Variants in ANK2 observed in about 807,000 individuals in gnomAD.
ANK2 encodes the protein ankyrin 2.
A neutral mutation model predicts 360.5 loss-of-function variants in ANK2; 83 were observed. The ratio of observed to expected loss-of-function variants is 0.23; its 90% CI spans 0.19 to 0.28. The LOEUF (loss-of-function observed/expected upper bound fraction) is 0.28. Ranked by LOEUF, ANK2 falls within the 10% of genes least tolerant of loss-of-function variation. ANK2 has a pLI of 1.00. For synonymous variants in ANK2, 1,740 were observed against 1,759.5 expected, an observed-to-expected ratio of 0.99 and a Z score of 0.28; for missense variants, 4,201 against 4,795.7, an observed-to-expected ratio of 0.88 and a Z score of 3.66.
At chr4:113,376,999 G>A (rs1031465589) in intron 45 of ANK2, among the ~76,000 whole-genome samples, 6 of 151,690 alleles carry the variant, frequency 4.0e-5, no homozygotes, top group Non-Finnish European at 5.9e-5. Flanking sequence ...ACCTCCTGAA[G>A]GACCTGCCTG....
intron 1 of ANK2, among the ~76,000 whole-genome samples, chr4:113,122,613 G>C (rs998133014): frequency 1.3e-5 from 2 of 152,118 alleles, no homozygotes; most frequent in Non-Finnish European, 2.9e-5. Context: ...TATCTGGACA[G>C]ATGCTCTTCT....
At chr4:113,149,492 G>A (rs1457191947) in intron 1 of ANK2, among the ~76,000 whole-genome samples, 2 of 152,034 alleles carry the variant, frequency 1.3e-5, no homozygotes, top group Non-Finnish European at 2.9e-5. Flanking sequence ...CCTAACAAGA[G>A]CCAAAAGTGT....
intron 2 of ANK2, among the ~76,000 whole-genome samples, chr4:112,915,790 C>A (rs1368855231): frequency 6.6e-6 from 1 of 151,064 alleles, no homozygotes; most frequent in African/African-American, 2.4e-5. Flanking sequence ...ATAATAAATA[C>A]ATTTTTTTCA....
At chr4:113,375,807 G>A (rs2096910406) in intron 45 of ANK2, among the ~76,000 whole-genome samples, 1 of 152,012 alleles carries the variant, frequency 6.6e-6, no homozygotes, top group African/African-American at 2.4e-5. Flanking sequence ...CCCAAATGCT[G>A]AAAACCAAAA....
intron 1 of ANK2, among the ~76,000 whole-genome samples, chr4:113,125,765 A>G (rs1018694049): frequency 1.3e-5 from 2 of 152,142 alleles, no homozygotes; most frequent in Non-Finnish European, 2.9e-5. Context: ...AGCTGACACT[A>G]TGTCGTAGAC....
At chr4:113,157,060 G>C (rs2154400198) in intron 1 of ANK2, among the ~76,000 whole-genome samples, 1 of 151,916 alleles carries the variant, frequency 6.6e-6, no homozygotes, top group African/African-American at 2.4e-5. Flanking sequence ...GTTTCTTAAG[G>C]TTTTATAACC....
At chr4:113,296,228 TA>T in intron 22 of ANK2, among the ~76,000 whole-genome samples, 1 of 152,264 alleles carries the variant, frequency 6.6e-6, no homozygotes, top group South Asian at 2.1e-4. Context: ...AAAAACCACT[TA>T]AATAGTGCTC....
rs138222856 is a variant in ANK2, at chr4:112,876,465, C to T, written c.-39-27990C>T. Among the ~76,000 whole-genome samples the T allele has an allele frequency of 5.1e-4, 77 of 151,512 alleles. No individual in the cohort carries two copies. In the South Asian group the frequency reaches 8.6e-3, roughly 17 times the overall value. ...GGTAAATAAAGAGGGTAGGAAACTG[C>T]GGGGATGGAAAAAGCAAAAAAAAAG... is the stretch of plus-strand genomic sequence containing the variant. On this transcript the variant is annotated intron_variant, in intron 1 of 30. Coordinates refer to the ANK2 transcript ENST00000503271.
In ANK2 at chr4:113,357,781, T is replaced by G. The variant is rs1158664416; in HGVS notation, c.9163T>G (p.Phe3055Val). 6.2e-7 allele frequency: 1 copy of G among 1,613,924 alleles called. No homozygotes were observed. The highest frequency in any genetic ancestry group is 1.3e-5 in the African/African-American group (1 of 74,918). ...WSEIREDDEA[F>V]EARVKEEEQK... ...TGAAATTCGGGAAGACGATGAAGCC[T>G]TTGAGGCTCGTGTGAAAGAGGAAGA... Residue 3055 changes from phenylalanine (F) to valine (V), a missense_variant, in exon 38 of 46, where the codon TTT (phenylalanine) becomes GTT (valine). Coordinates refer to ENST00000357077, the MANE Select transcript of ANK2 (RefSeq NM_001148.6).
intron 2 of ANK2, among the ~76,000 whole-genome samples, chr4:113,025,175 T>G (rs951352456): frequency 1.3e-5 from 2 of 152,154 alleles, no homozygotes; most frequent in Non-Finnish European, 2.9e-5. Flanking sequence ...CAATTTTCCT[T>G]AAACATAACA....
the ANK2 span, among the ~76,000 whole-genome samples, chr4:112,758,669 C>T: frequency 2.0e-5 from 3 of 152,202 alleles, no homozygotes; most frequent in East Asian, 5.8e-4. Context: ...CCCACCTCAG[C>T]CTCCCAAGCT....
chr4:112,766,722 C>G, the ANK2 span, among the ~76,000 whole-genome samples: 28 of 152,180 alleles, frequency 1.8e-4, no homozygotes, highest in Non-Finnish European at 7.3e-5. Flanking sequence ...TTTAATCTTA[C>G]CGGAGTTATT....
chr4:113,342,934 C>A, intron 33 of ANK2, 83 bp from the exon 34 acceptor site: 1 of 1,551,140 alleles, frequency 6.4e-7, no homozygotes, highest in South Asian at 1.1e-5. Flanking sequence ...ATTTGAAGTT[C>A]CAAGTAGTAC....
At chr4:113,111,417 A>G (rs537633332) in intron 1 of ANK2, among the ~76,000 whole-genome samples, 2 of 152,338 alleles carry the variant, frequency 1.3e-5, no homozygotes, top group Admixed American at 1.3e-4. Context: ...GGATAAAGGC[A>G]CGACATAAAT....
At chr4:113,142,392 T>G (rs1049266023) in intron 1 of ANK2, among the ~76,000 whole-genome samples, 2 of 152,206 alleles carry the variant, frequency 1.3e-5, no homozygotes, top group Non-Finnish European at 2.9e-5. Flanking sequence ...TTAGAAAGTA[T>G]CTGATCGTCG....
chr4:113,115,757 T>C (rs897487392), intron 1 of ANK2, among the ~76,000 whole-genome samples: 3 of 152,184 alleles, frequency 2.0e-5, no homozygotes, highest in Non-Finnish European at 4.4e-5. Context: ...GAAGCAGATA[T>C]GTCATAAGGG....
chr4:113,146,693 G>A (rs2096849505), intron 1 of ANK2, among the ~76,000 whole-genome samples: 1 of 149,906 alleles, frequency 6.7e-6, no homozygotes, highest in Non-Finnish European at 1.5e-5. Context: ...TTTTTGGCCA[G>A]GAATCTCTGA....
chr4:112,768,531 G>A, the ANK2 span, among the ~76,000 whole-genome samples: 6 of 151,268 alleles, frequency 4.0e-5, no homozygotes, highest in African/African-American at 1.5e-4. Context: ...TAGGACTACA[G>A]GCATGAGCCA....
intron 2 of ANK2, among the ~76,000 whole-genome samples, chr4:113,015,439 A>G (rs1414045912): frequency 2.6e-5 from 4 of 152,230 alleles, no homozygotes; most frequent in Non-Finnish European, 5.9e-5. Context: ...CCGAACTTTA[A>G]GAACATCTAC....
Sources: gnomAD v4.1 joint callset for allele counts (sites outside exome capture counted in the v4.1 genomes callset) on GRCh38, gnomAD v4.1.1 for gene constraint, MANE v1.5 for transcripts, NCBI Gene and HGNC (gene_info 2026-07-23, HGNC 2026-07-21) for gene names.